AOPEP: variants seen among roughly 807,000 people sequenced by gnomAD.
The protein encoded by AOPEP is aminopeptidase O.
AOPEP carries 77 observed loss-of-function variants against 98.1 expected under a neutral mutation model. That is an observed-to-expected ratio of 0.78 (90% CI 0.65 to 0.95). The LOEUF is 0.95. Ranked by LOEUF, AOPEP falls within the 40% of genes least tolerant of loss-of-function variation. The pLI is 0.00. For synonymous variants in AOPEP, 346 were observed against 365.3 expected (o/e 0.95, Z 0.60); for missense variants, 1,024 against 1,024.7 (o/e 1.00, Z 0.01).
intron 5 of AOPEP, among the ~76,000 whole-genome samples, chr9:94,814,261 T>C (rs1010407729): frequency 1.3e-5 from 2 of 152,248 alleles, no homozygotes; most frequent in East Asian, 1.9e-4. Flanking sequence ...AAAATCTTGC[T>C]GTACTCAGGA....
In AOPEP at chr9:95,017,176, T is replaced by C. The variant is rs559783562; in HGVS notation, c.2115+11560T>C. Among the ~76,000 whole-genome samples, 13 of 152,070 alleles carry C rather than the reference T, an allele frequency of 8.5e-5. No individual in the cohort carries two copies. The East Asian group carries it at 2.3e-3, about 27-fold the overall frequency. On this transcript the variant is annotated intron_variant, in intron 13 of 16. Transcript: ENST00000375315. ...TATTCGTATACAAGTGGGTTTCTGT[T>C]TTTTTTTCTCCCTAACCATCACACA...
chr9:94,790,479 A>G (rs1304077553), intron 3 of AOPEP, among the ~76,000 whole-genome samples: 1 of 152,092 alleles, frequency 6.6e-6, no homozygotes, highest in Non-Finnish European at 1.5e-5. Flanking sequence ...CTTCTTAGCT[A>G]CAAAGAGAGG....
rs373457985 is a variant in AOPEP, at chr9:94,927,998, C to T, written c.1555-427C>T. 3.7e-4 allele frequency among the ~76,000 whole-genome samples: 56 copies of T among 152,302 alleles called. 1 individual carries two copies. Among genetic ancestry groups the T allele is most frequent in the African/African-American group, 1.3e-3 (54 of 41,562 alleles). On this transcript the variant is annotated intron_variant, in intron 6 of 16. Coordinates refer to ENST00000375315, the MANE Select transcript of AOPEP (RefSeq NM_001193329.3). ...TCATCTGGGTTGCATTAGCAGGCCC[C>T]GCTGGAAACAGTCCTTAACAAAATT...
chr9:94,747,512 TA>T (rs1161673852), intron 1 of AOPEP, among the ~76,000 whole-genome samples: 13 of 152,198 alleles, frequency 8.5e-5, no homozygotes, highest in Non-Finnish European at 1.6e-4. Context: ...ACTATATTTT[TA>T]CTTCGAGTAA....
intron 14 of AOPEP, among the ~76,000 whole-genome samples, chr9:95,064,407 T>C (rs957423600): frequency 6.6e-6 from 1 of 152,218 alleles, no homozygotes; most frequent in African/African-American, 2.4e-5. Context: ...CAGTTCTGCC[T>C]CAGCCTCCCG....
chr9:95,116,605 C>T, the AOPEP span, among the ~76,000 whole-genome samples: 2 of 152,174 alleles, frequency 1.3e-5, no homozygotes, highest in Admixed American at 6.5e-5. Flanking sequence ...TTCTGGCTGG[C>T]GCAGTCTGTG....
chr9:94,741,397 C>T (rs1461281869), intron 1 of AOPEP, among the ~76,000 whole-genome samples: 7 of 152,006 alleles, frequency 4.6e-5, no homozygotes, highest in East Asian at 3.9e-4. Context: ...TTCAGCCCCC[C>T]GAGTAGCTGG....
chr9:94,733,441 A>G (rs565327874), intron 1 of AOPEP, among the ~76,000 whole-genome samples: 5 of 152,110 alleles, frequency 3.3e-5, no homozygotes, highest in Admixed American at 6.5e-5. Context: ...AGAAATTCCT[A>G]TTTTTACACC....
At chr9:94,847,152 ACT>A (rs1554739476) in intron 5 of AOPEP, among the ~76,000 whole-genome samples, 2 of 140,476 alleles carry the variant, frequency 1.4e-5, no homozygotes, top group African/African-American at 5.3e-5. Flanking sequence ...ACACACACAC[ACT>A]CTCTCTGTCT....
the AOPEP span, chr9:95,125,103 C>G: frequency 6.2e-7 from 1 of 1,614,086 alleles, no homozygotes; most frequent in Non-Finnish European, 8.5e-7. Flanking sequence ...CTTGCTTTCT[C>G]CAGAGCTTCT....
chr9:95,107,900 A>G, the AOPEP span, among the ~76,000 whole-genome samples: 1 of 152,236 alleles, frequency 6.6e-6, no homozygotes, highest in Admixed American at 6.5e-5. Context: ...AATGGTAATT[A>G]TAAGTCTGCA....
intron 13 of AOPEP, among the ~76,000 whole-genome samples, chr9:95,054,085 A>C (rs999362880): frequency 6.6e-6 from 1 of 152,220 alleles, no homozygotes; most frequent in Non-Finnish European, 1.5e-5. Context: ...AAAGTTAGGA[A>C]TATTCTGATA....
chr9:94,901,068 C>A (rs560235341), intron 5 of AOPEP, among the ~76,000 whole-genome samples: 3 of 130,996 alleles, frequency 2.3e-5, no homozygotes, highest in Non-Finnish European at 5.0e-5. Context: ...GTAATTCATG[C>A]GAAGTTCAAT....
intron 9 of AOPEP, among the ~76,000 whole-genome samples, chr9:94,960,896 C>T (rs1319704693): frequency 2.0e-5 from 3 of 151,860 alleles, no homozygotes; most frequent in Admixed American, 1.3e-4. Context: ...CCTGTAGTCC[C>T]AGCTACTCGG....
intron 5 of AOPEP, among the ~76,000 whole-genome samples, chr9:94,831,409 C>T (rs1248670788): frequency 6.6e-6 from 1 of 152,064 alleles, no homozygotes; most frequent in Non-Finnish European, 1.5e-5. Context: ...TTCTATTGGT[C>T]TGTGTGTCTG....
At chr9:94,979,313 A>G in intron 10 of AOPEP, 54 bp from the exon 11 acceptor site, 1 of 1,204,926 alleles carries the variant, frequency 8.3e-7, no homozygotes. Context: ...AGTCTGTGTA[A>G]TAAGCGCTCT....
intron 5 of AOPEP, among the ~76,000 whole-genome samples, chr9:94,916,548 CA>C (rs2052825120): frequency 6.6e-6 from 1 of 151,852 alleles, no homozygotes; most frequent in African/African-American, 2.4e-5. Flanking sequence ...TACTAAAATA[CA>C]AAAATTAACT....
chr9:95,001,547 T>C (rs1458215879), intron 11 of AOPEP, among the ~76,000 whole-genome samples: 2 of 152,202 alleles, frequency 1.3e-5, no homozygotes, highest in Admixed American at 1.3e-4. Context: ...CCTACCTTCA[T>C]TGGCATCAGC....
At chr9:94,829,178 C>T (rs868729480) in intron 5 of AOPEP, among the ~76,000 whole-genome samples, 3 of 151,884 alleles carry the variant, frequency 2.0e-5, no homozygotes, top group South Asian at 2.1e-4. Context: ...CACTAAGTTT[C>T]AAGATATAAA....
Sources: gnomAD v4.1 joint callset for allele counts (sites outside exome capture counted in the v4.1 genomes callset) on GRCh38, gnomAD v4.1.1 for gene constraint, MANE v1.5 for transcripts, NCBI Gene and HGNC (gene_info 2026-07-23, HGNC 2026-07-21) for gene names.